Variants in CDH10 observed in about 807,000 individuals in gnomAD.
CDH10 encodes the protein cadherin-10.
Under a neutral mutation model 73.1 loss-of-function variants are expected in CDH10, and 30 were observed. That is an observed-to-expected ratio of 0.41 (90% confidence interval 0.31 to 0.56). The LOEUF (loss-of-function observed/expected upper bound fraction) is 0.56. Ranked by LOEUF, CDH10 falls within the 20% of genes least tolerant of loss-of-function variation. The pLI is 0.27. For missense variants in CDH10, 815 were observed against 973.7 expected (o/e 0.84, Z 2.17); for synonymous variants, 345 against 348.2 (o/e 0.99, Z 0.10).
intron 9 of CDH10, among the ~76,000 whole-genome samples, chr5:24,493,526 C>T (rs201691931): frequency 6.6e-5 from 10 of 151,690 alleles, no homozygotes; most frequent in East Asian, 5.8e-4. Flanking sequence ...AAACATAAGA[C>T]GCTATATGGT....
At chr5:24,574,167 T>C (rs979951855) in intron 2 of CDH10, among the ~76,000 whole-genome samples, 2 of 152,102 alleles carry the variant, frequency 1.3e-5, no homozygotes, top group African/African-American at 2.4e-5. Flanking sequence ...ATTACAGGCG[T>C]GAGCCACTGC....
chr5:24,614,921 G>A (rs940129887), intron 1 of CDH10, among the ~76,000 whole-genome samples: 4 of 152,136 alleles, frequency 2.6e-5, no homozygotes, highest in African/African-American at 4.8e-5. Context: ...AGCAGATGAC[G>A]ATGTACAGGC....
At chr5:24,554,767 T>C (rs62349586) in intron 2 of CDH10, among the ~76,000 whole-genome samples, 20,967 of 152,110 alleles carry the variant, frequency 0.14, 1,638 homozygotes, top group Admixed American at 0.22. Flanking sequence ...TAAAATCTCA[T>C]AATAATAATT....
chr5:24,502,672 C>G (rs2111711092), intron 8 of CDH10, among the ~76,000 whole-genome samples: 1 of 152,238 alleles, frequency 6.6e-6, no homozygotes, highest in South Asian at 2.1e-4. Context: ...TTTTACAGAA[C>G]TGTAATTACT....
rs950553641 is a variant in CDH10, at chr5:24,539,771, C to T, written c.232-2097G>A. ...CATGTGACTTTTATCCAGGAAACCA[C>T]TCTTAAAAAAAGTCACAAGACTGAT... On this transcript the variant is annotated intron_variant, in intron 2 of 11. Coordinates refer to ENST00000264463, the MANE Select transcript of CDH10 (RefSeq NM_006727.5). 9.9e-5 allele frequency among the ~76,000 whole-genome samples: 15 copies of T among 152,080 alleles called. 1 individual carries two copies. The highest frequency in any genetic ancestry group is 3.6e-4 in the African/African-American group (15 of 41,530).
chr5:24,523,767 AT>A (rs1340469195), intron 5 of CDH10, among the ~76,000 whole-genome samples: 2 of 152,128 alleles, frequency 1.3e-5, no homozygotes, highest in Non-Finnish European at 2.9e-5. Flanking sequence ...TACAAGGTGT[AT>A]TTCATGTTTA....
intron 5 of CDH10, among the ~76,000 whole-genome samples, chr5:24,515,005 C>T (rs1333694853): frequency 6.6e-6 from 1 of 151,900 alleles, no homozygotes; most frequent in Non-Finnish European, 1.5e-5. Flanking sequence ...TTTAATAAAC[C>T]ACATTCAACT....
intron 2 of CDH10, among the ~76,000 whole-genome samples, chr5:24,558,295 T>C (rs1174806837): frequency 1.3e-5 from 2 of 151,874 alleles, no homozygotes; most frequent in East Asian, 1.9e-4. Flanking sequence ...TATATCTTTG[T>C]TTTAATAGCT....
chr5:24,563,465 T>C (rs1455923647), intron 2 of CDH10, among the ~76,000 whole-genome samples: 1 of 105,654 alleles, frequency 9.5e-6, no homozygotes, highest in Non-Finnish European at 2.0e-5. Flanking sequence ...AAAAAAAAAC[T>C]ATGTAAACAG....
intron 2 of CDH10, among the ~76,000 whole-genome samples, chr5:24,555,336 C>T (rs1006740707): frequency 3.9e-5 from 6 of 152,138 alleles, no homozygotes; most frequent in Non-Finnish European, 1.5e-5. Flanking sequence ...AACACAAAGA[C>T]TGCAAGCTAT....
intron 7 of CDH10, among the ~76,000 whole-genome samples, chr5:24,508,093 A>C (rs1742765592): frequency 6.6e-6 from 1 of 152,198 alleles, no homozygotes; most frequent in Admixed American, 6.5e-5. Flanking sequence ...TGCGCTCAGA[A>C]AGTGAACAAT....
At chr5:24,543,653 G>A (rs1744235395) in intron 2 of CDH10, among the ~76,000 whole-genome samples, 1 of 151,854 alleles carries the variant, frequency 6.6e-6, no homozygotes, top group South Asian at 2.1e-4. Context: ...ATATTAAATG[G>A]AAAATAAAAC....
In CDH10 at chr5:24,537,605, G is replaced by C. The variant is rs1380108063; in HGVS notation, c.301C>G (p.Leu101Val). ...CCTGTTTTTTCATCAATAATAAAAA[G>C]AGTACCAGCTCCATCTCCAGATAAG... ...YILSGDGAGT[L>V]FIIDEKTGDI... Residue 101 changes from leucine (L) to valine (V), a missense_variant, in exon 3 of 12, where the codon CTT (leucine) becomes GTT (valine). Physicochemically the swap from Leu to Val is conservative, Grantham distance 32. Around this residue, in one of 3 missense-constraint regions of CDH10, gnomAD observed 516 missense variants for 636.6 expected, o/e 0.81. Transcript: ENST00000264463. The C allele has an allele frequency of 1.2e-6, 2 of 1,606,758 alleles. No individual in the cohort carries two copies. The highest frequency in any genetic ancestry group is 1.6e-4 in the Middle Eastern group (1 of 6,068).
chr5:24,588,592 G>A (rs190693998), intron 2 of CDH10, among the ~76,000 whole-genome samples: 3 of 152,072 alleles, frequency 2.0e-5, no homozygotes, highest in Non-Finnish European at 2.9e-5. Context: ...CTTCTCCTCC[G>A]ACTTCATTCC....
chr5:24,565,753 T>A (rs2112005171), intron 2 of CDH10, among the ~76,000 whole-genome samples: 1 of 151,748 alleles, frequency 6.6e-6, no homozygotes, highest in African/African-American at 2.4e-5. Flanking sequence ...TGTCTCTATC[T>A]CTCTCTTTCA....
chr5:24,536,162 T>C (rs1397905485), intron 3 of CDH10, among the ~76,000 whole-genome samples: 4 of 152,098 alleles, frequency 2.6e-5, no homozygotes, highest in Non-Finnish European at 5.9e-5. Context: ...AGGGCATATC[T>C]AATCACACAG....
At chr5:24,600,625 C>T (rs114998910) in intron 1 of CDH10, among the ~76,000 whole-genome samples, 1 of 152,026 alleles carries the variant, frequency 6.6e-6, no homozygotes, top group African/African-American at 2.4e-5. Flanking sequence ...TGTGTGTGTT[C>T]TGTACATGCA....
intron 3 of CDH10, 146 bp downstream of exon 3, chr5:24,537,234 T>G (rs1409965359): frequency 3.6e-6 from 2 of 555,176 alleles, no homozygotes; most frequent in Non-Finnish European, 6.1e-6. Flanking sequence ...TTTTTCTGAT[T>G]GTCTCCTAAA....
At chr5:24,575,355 C>CAA (rs751333761) in intron 2 of CDH10, among the ~76,000 whole-genome samples, 15,452 of 123,044 alleles carry the variant, frequency 0.13, 1,339 homozygotes, top group African/African-American at 0.27. Context: ...ACAAAAACAA[C>CAA]AAAAAAAAAA....
Sources: gnomAD v4.1 joint callset for allele counts (sites outside exome capture counted in the v4.1 genomes callset) on GRCh38, gnomAD v4.1.1 for gene constraint, gnomAD v4.1.1 regional missense constraint, MANE v1.5 for transcripts, NCBI Gene and HGNC (gene_info 2026-07-23, HGNC 2026-07-21) for gene names.